LMOD1: variants seen among roughly 807,000 people sequenced by gnomAD.
LMOD1 encodes leiomodin-1.
LMOD1 carries 8 observed loss-of-function variants against 36.5 expected under a neutral mutation model. That is an observed-to-expected ratio of 0.22 (90% CI 0.13 to 0.40). The LOEUF is 0.40. Among genes scored for constraint, LMOD1 ranks in the 10% least tolerant of loss-of-function variants. LMOD1 has a pLI of 1.00. For missense variants in LMOD1, 630 were observed against 751.1 expected (o/e 0.84, Z 1.88); for synonymous variants, 284 against 288.7 (o/e 0.98, Z 0.17).
chr1:201,908,518 T>C (rs1477852923), intron 1 of LMOD1, among the ~76,000 whole-genome samples: 1 of 152,150 alleles, frequency 6.6e-6, no homozygotes, highest in African/African-American at 2.4e-5. Flanking sequence ...CTCCTGCCCA[T>C]ACTGGAGCAC....
intron 1 of LMOD1, among the ~76,000 whole-genome samples, chr1:201,905,071 CT>C (rs1558235650): frequency 1.3e-5 from 2 of 152,254 alleles, no homozygotes; most frequent in Non-Finnish European, 2.9e-5. Flanking sequence ...TAACAAAGAA[CT>C]TCCATGCAGT....
At position 201,946,178 on chromosome 1, in the gene LMOD1, T is replaced by C; in HGVS notation, c.163A>G (p.Thr55Ala). 6.8e-6 allele frequency: 11 copies of C among 1,613,980 alleles called. No homozygotes were observed. Among genetic ancestry groups the C allele is most frequent in the South Asian group, 1.1e-5 (1 of 91,082 alleles). The change falls in exon 1 of 3, where the codon ACG becomes GCG. Residue 55 changes from threonine (T) to alanine (A), a missense_variant. Physicochemically the swap from Thr to Ala is moderately conservative, Grantham distance 58. Around this residue, in one of 3 missense-constraint regions of LMOD1, gnomAD observed 405 missense variants for 400.6 expected, o/e 1.01. Transcript: ENST00000367288. ...VPVGLRQRNQ[T>A]EKQSTGVYNR... ...TACACACCCGTGGACTGTTTCTCCGTCTGGTTTCTCTGCCGCAGCCCCACG... is the reference window on the plus strand; with the variant it reads ...TACACACCCGTGGACTGTTTCTCCGCCTGGTTTCTCTGCCGCAGCCCCACG...
intron 1 of LMOD1, among the ~76,000 whole-genome samples, chr1:201,929,396 G>A (rs923309885): frequency 7.2e-5 from 11 of 152,128 alleles, no homozygotes; most frequent in African/African-American, 2.7e-4. Flanking sequence ...GAATTAATAT[G>A]TTAGTCTGTA....
At chr1:201,911,377 A>T (rs1452143504) in intron 1 of LMOD1, among the ~76,000 whole-genome samples, 4 of 152,236 alleles carry the variant, frequency 2.6e-5, no homozygotes. Context: ...TCAGAAACCC[A>T]CTGGGGGCTG....
At chr1:201,935,898 A>G (rs1682009966) in intron 1 of LMOD1, among the ~76,000 whole-genome samples, 1 of 151,060 alleles carries the variant, frequency 6.6e-6, no homozygotes, top group African/African-American at 2.4e-5. Flanking sequence ...AGATTGCCTG[A>G]GGTCATGAGT....
intron 1 of LMOD1, among the ~76,000 whole-genome samples, chr1:201,916,763 C>A (rs764908454): frequency 6.6e-6 from 1 of 152,160 alleles, no homozygotes; most frequent in Non-Finnish European, 1.5e-5. Flanking sequence ...CGCAGCCTGA[C>A]CTTCGCCTGG....
At chr1:201,933,595 T>C (rs1321268041) in intron 1 of LMOD1, among the ~76,000 whole-genome samples, 25 of 63,220 alleles carry the variant, frequency 4.0e-4, no homozygotes, top group Non-Finnish European at 8.6e-4. Flanking sequence ...TATACATACA[T>C]TATATATATA....
intron 1 of LMOD1, among the ~76,000 whole-genome samples, chr1:201,940,746 G>T (rs1400726588): frequency 8.1e-6 from 1 of 123,240 alleles, no homozygotes; most frequent in African/African-American, 2.9e-5. Flanking sequence ...ACCACGCCCA[G>T]CATTTTTTTT....
At chr1:201,938,611 T>C (rs1292896669) in intron 1 of LMOD1, among the ~76,000 whole-genome samples, 2 of 152,142 alleles carry the variant, frequency 1.3e-5, no homozygotes, top group Non-Finnish European at 2.9e-5. Flanking sequence ...AATTTCTGCC[T>C]GAGGATGTAG....
At chr1:201,904,820 A>C (rs57380240) in intron 1 of LMOD1, among the ~76,000 whole-genome samples, 2,545 of 152,302 alleles carry the variant, frequency 0.017, 75 homozygotes, top group African/African-American at 0.058. Context: ...CCTTAAAAGG[A>C]GAAGGAGCCC....
intron 1 of LMOD1, among the ~76,000 whole-genome samples, chr1:201,910,274 ATTTTTT>A (rs4025032): frequency 7.4e-6 from 1 of 135,980 alleles, no homozygotes. Context: ...TCCTATACGC[ATTTTTT>A]TTTTTTTTTT....
chr1:201,911,872 T>C (rs138520590), intron 1 of LMOD1, among the ~76,000 whole-genome samples: 176 of 152,302 alleles, frequency 1.2e-3, no homozygotes, highest in African/African-American at 3.8e-3. Context: ...AGGAAAACTA[T>C]GCTCCACAAC....
At chr1:201,913,874 A>C (rs1681554619) in intron 1 of LMOD1, among the ~76,000 whole-genome samples, 1 of 152,176 alleles carries the variant, frequency 6.6e-6, no homozygotes, top group East Asian at 1.9e-4. Context: ...TGTAAATTAT[A>C]CATAAAATGT....
chr1:201,931,066 G>A (rs899319270), intron 1 of LMOD1, among the ~76,000 whole-genome samples: 13 of 152,120 alleles, frequency 8.5e-5, no homozygotes, highest in Admixed American at 6.5e-4. Context: ...TAGCTAAGAC[G>A]GAAAGGAGAG....
rs747977296 is a variant in LMOD1 at position 201,946,196 on chromosome 1, G to T, written c.145C>A (p.Leu49Met). ...VDPDGSVPVG[L>M]RQRNQTEKQS... ...TTCTCCGTCTGGTTTCTCTGCCGCA[G>T]CCCCACGGGAACACTCCCGTCTGGG... Residue 49 changes from leucine to methionine, a missense_variant, in exon 1 of 3, where the codon CTG becomes ATG. Leu to Met is a conservative substitution (Grantham distance 15, BLOSUM62 2). Around this residue, in one of 3 missense-constraint regions of LMOD1, gnomAD observed 405 missense variants for 400.6 expected, o/e 1.01. Coordinates refer to ENST00000367288, the MANE Select transcript of LMOD1 (RefSeq NM_012134.3). 20 of 1,613,852 alleles carry T rather than the reference G, an allele frequency of 1.2e-5. No individual in the cohort carries two copies. Among genetic ancestry groups the T allele is most frequent in the Non-Finnish European group, 1.5e-5 (18 of 1,179,896 alleles).
chr1:201,940,125 C>T (rs1024392534), intron 1 of LMOD1, among the ~76,000 whole-genome samples: 7 of 151,756 alleles, frequency 4.6e-5, no homozygotes, highest in Non-Finnish European at 1.0e-4. Flanking sequence ...TTTACAAGTG[C>T]TCCTTGGTCC....
rs1235633887 is a variant in LMOD1 at position 201,901,626 on chromosome 1, G to A, written c.262-875C>T. 2.4e-4 allele frequency among the ~76,000 whole-genome samples: 13 copies of A among 54,528 alleles called. 1 individual carries two copies. Among genetic ancestry groups the A allele is most frequent in the South Asian group, 1.3e-3 (2 of 1,556 alleles). The allele number at this position is 54,528 out of a possible 152,430, so 35.8% of individuals were successfully genotyped here. The stretch of plus-strand genomic sequence containing the variant: ...TATATATATACACATATATATGTGT[G>A]TGTGTATATATATATATATATACAT... On this transcript the variant is annotated intron_variant, in intron 1 of 2. Transcript: ENST00000367288.
At chr1:201,943,789 C>T (rs1682158721) in intron 1 of LMOD1, among the ~76,000 whole-genome samples, 2 of 152,210 alleles carry the variant, frequency 1.3e-5, no homozygotes, top group Admixed American at 1.3e-4. Flanking sequence ...TTTTAGTGTT[C>T]ACAACCCTGT....
chr1:201,943,678 T>G (rs1309099336), intron 1 of LMOD1, among the ~76,000 whole-genome samples: 1 of 152,234 alleles, frequency 6.6e-6, no homozygotes. Context: ...CACCGGTTTC[T>G]GGGTTCCTTG....
Sources: gnomAD v4.1 joint callset for allele counts (sites outside exome capture counted in the v4.1 genomes callset) on GRCh38, gnomAD v4.1.1 for gene constraint, gnomAD v4.1.1 regional missense constraint, MANE v1.5 for transcripts, NCBI Gene and HGNC (gene_info 2026-07-23, HGNC 2026-07-21) for gene names.